COLEC12: variants seen among roughly 807,000 people sequenced by gnomAD.
The protein encoded by COLEC12 is collectin subfamily member 12, also known as collectin-12.
In COLEC12, 33 loss-of-function variants were observed where a neutral mutation model predicts 71.1. That is an observed-to-expected ratio of 0.46 (90% CI 0.35 to 0.62). COLEC12 has a LOEUF of 0.62. Among genes scored for constraint, COLEC12 ranks in the 20% least tolerant of loss-of-function variants. The pLI, the probability that COLEC12 is intolerant of heterozygous loss-of-function variation, is 0.00. For synonymous variants in COLEC12, 350 were observed against 353.0 expected (o/e 0.99, Z 0.10); for missense variants, 765 against 916.1 (o/e 0.84, Z 2.13).
At chr18:478,072 C>T (rs1339887996) in intron 2 of COLEC12, among the ~76,000 whole-genome samples, 1 of 152,176 alleles carries the variant, frequency 6.6e-6, no homozygotes, top group Non-Finnish European at 1.5e-5. Flanking sequence ...GATGAGGCCT[C>T]CCCAGTGGAA....
chr18:421,228 C>A (rs528910192), intron 2 of COLEC12, among the ~76,000 whole-genome samples: 2 of 152,112 alleles, frequency 1.3e-5, no homozygotes, highest in Non-Finnish European at 2.9e-5. Flanking sequence ...TGATATAAAC[C>A]AAATATGTTT....
At chr18:357,882 C>A (rs1914662246) in intron 2 of COLEC12, among the ~76,000 whole-genome samples, 1 of 152,184 alleles carries the variant, frequency 6.6e-6, no homozygotes, top group Non-Finnish European at 1.5e-5. Flanking sequence ...TGGACTGGTA[C>A]CAGTCTGGTG....
At chr18:465,691 A>C (rs1377684313) in intron 2 of COLEC12, among the ~76,000 whole-genome samples, 1 of 152,220 alleles carries the variant, frequency 6.6e-6, no homozygotes, top group Admixed American at 6.5e-5. Context: ...CTATTATCTT[A>C]ATTAATTTTA....
At chr18:451,820 T>C (rs1445065870) in intron 2 of COLEC12, among the ~76,000 whole-genome samples, 1 of 151,986 alleles carries the variant, frequency 6.6e-6, no homozygotes, top group Non-Finnish European at 1.5e-5. Flanking sequence ...TTTGGAAAAT[T>C]TGCAGCCTGG....
intron 2 of COLEC12, among the ~76,000 whole-genome samples, chr18:371,053 G>A (rs1914987968): frequency 1.3e-5 from 2 of 152,196 alleles, no homozygotes; most frequent in African/African-American, 4.8e-5. Context: ...CTTCCTGCTG[G>A]AAAGCAGTTA....
chr18:380,726 A>G (rs1471913283), intron 2 of COLEC12, among the ~76,000 whole-genome samples: 1 of 152,206 alleles, frequency 6.6e-6, no homozygotes, highest in Non-Finnish European at 1.5e-5. Context: ...TGTGACGGAA[A>G]GAAGTGAGCT....
At chr18:359,424 T>C (rs1369044009) in intron 2 of COLEC12, among the ~76,000 whole-genome samples, 2 of 152,234 alleles carry the variant, frequency 1.3e-5, no homozygotes, top group Non-Finnish European at 2.9e-5. Context: ...GCATATTACA[T>C]GTATACAAGA....
At chr18:454,032 C>T (rs1033381549) in intron 2 of COLEC12, among the ~76,000 whole-genome samples, 2 of 152,252 alleles carry the variant, frequency 1.3e-5, no homozygotes, top group Non-Finnish European at 2.9e-5. Flanking sequence ...TCCCTGCTTC[C>T]GCACTTCAGC....
intron 2 of COLEC12, among the ~76,000 whole-genome samples, chr18:447,835 A>C (rs2621189): frequency 0.49 from 75,097 of 152,020 alleles, 18,813 homozygotes; most frequent in South Asian, 0.55. Context: ...TGTCCCCTAC[A>C]GCAAGAATAT....
At chr18:382,061 G>A (rs1404022048) in intron 2 of COLEC12, among the ~76,000 whole-genome samples, 1 of 152,142 alleles carries the variant, frequency 6.6e-6, no homozygotes, top group East Asian at 1.9e-4. Flanking sequence ...GACCTGCCCT[G>A]CTATAGTCAT....
intron 1 of COLEC12, among the ~76,000 whole-genome samples, chr18:492,932 G>A (rs763836000): frequency 3.9e-5 from 6 of 152,308 alleles, no homozygotes; most frequent in Non-Finnish European, 5.9e-5. Flanking sequence ...GGTCAGGCAC[G>A]GTGGCTCATG....
intron 2 of COLEC12, among the ~76,000 whole-genome samples, chr18:370,572 C>T (rs1914977994): frequency 6.6e-6 from 1 of 152,220 alleles, no homozygotes; most frequent in South Asian, 2.1e-4. Context: ...TATTTGTTTA[C>T]ATAAACTCCC....
chr18:409,866 GCA>G (rs1204649667), intron 2 of COLEC12, among the ~76,000 whole-genome samples: 1 of 152,178 alleles, frequency 6.6e-6, no homozygotes, highest in Non-Finnish European at 1.5e-5. Flanking sequence ...GCACAGATAA[GCA>G]CAAGAAGGAG....
chr18:397,840 G>A (rs1287019204), intron 2 of COLEC12, among the ~76,000 whole-genome samples: 1 of 152,218 alleles, frequency 6.6e-6, no homozygotes, highest in Non-Finnish European at 1.5e-5. Flanking sequence ...GGCCCATTCA[G>A]TTAGGGTTAA....
At chr18:498,363 C>CTTTTT (rs542727500) in intron 1 of COLEC12, among the ~76,000 whole-genome samples, 9 of 100,740 alleles carry the variant, frequency 8.9e-5, no homozygotes, top group East Asian at 3.3e-4. Flanking sequence ...TATTTTTTTT[C>CTTTTT]TTTTTTTTTT....
intron 1 of COLEC12, among the ~76,000 whole-genome samples, chr18:497,383 G>GGT (rs10689788): frequency 0.18 from 26,940 of 146,920 alleles, 2,319 homozygotes; most frequent in Non-Finnish European, 0.22. Context: ...TAAAGAATGG[G>GGT]GTGTGTGTGT....
At chr18:379,940 C>T (rs552801397) in intron 2 of COLEC12, among the ~76,000 whole-genome samples, 5 of 152,124 alleles carry the variant, frequency 3.3e-5, no homozygotes, top group South Asian at 2.1e-4. Context: ...GCTGTATTTC[C>T]GGAGGAAAGC....
chr18:372,103 C>A (rs1915013230), intron 2 of COLEC12, among the ~76,000 whole-genome samples: 1 of 152,146 alleles, frequency 6.6e-6, no homozygotes, highest in African/African-American at 2.4e-5. Context: ...ACGACCCCAC[C>A]CGCCTATCCC....
rs1246489471 is a variant in COLEC12, at chr18:399,618, G to A, written c.59-42096C>T. On this transcript the variant is annotated intron_variant, in intron 2 of 9. Transcript: ENST00000400256. This position sits in a 1 kb window ranked among gnomAD's most constrained non-coding sequence, Gnocchi z 4.0. ...AGCTTTTGTCTAAGTCTCCCTGGCAGGTTATTTGCTTGAGTTTTAATCTGA... is the reference window on the plus strand; with the variant it reads ...AGCTTTTGTCTAAGTCTCCCTGGCAAGTTATTTGCTTGAGTTTTAATCTGA... 6.6e-5 allele frequency among the ~76,000 whole-genome samples: 10 copies of A among 152,220 alleles called. No individual in the cohort carries two copies. Among genetic ancestry groups the A allele is most frequent in the Admixed American group, 5.9e-4 (9 of 15,284 alleles).
Sources: gnomAD v4.1 joint callset for allele counts (sites outside exome capture counted in the v4.1 genomes callset) on GRCh38, gnomAD v4.1.1 for gene constraint, Gnocchi (gnomAD v3.1) non-coding constraint, MANE v1.5 for transcripts, NCBI Gene and HGNC (gene_info 2026-07-23, HGNC 2026-07-21) for gene names.